The following PTPN1 variants were observed in gnomAD, a reference collection of about 807,000 sequenced individuals.
The protein encoded by PTPN1 is protein tyrosine phosphatase non-receptor type 1, also known as tyrosine-protein phosphatase non-receptor type 1.
Under a neutral mutation model 59.9 loss-of-function variants are expected in PTPN1, and 12 were observed. That is an observed-to-expected ratio of 0.20 (90% CI 0.13 to 0.32). The LOEUF (loss-of-function observed/expected upper bound fraction) is 0.32, where lower values mean the gene tolerates loss of function less well. Ranked by LOEUF, PTPN1 falls within the 10% of genes least tolerant of loss-of-function variation. The pLI is 1.00. For missense variants in PTPN1, 356 were observed against 549.2 expected (o/e 0.65, Z 3.52); for synonymous variants, 178 against 203.6 (o/e 0.87, Z 1.07).
intron 1 of PTPN1, among the ~76,000 whole-genome samples, chr20:50,545,496 A>T (rs907957388): frequency 6.6e-6 from 1 of 152,226 alleles, no homozygotes; most frequent in Non-Finnish European, 1.5e-5. Context: ...GTGGAGTTGC[A>T]TCTCCCTCAT....
chr20:50,512,983 AC>A (rs2082513767), intron 1 of PTPN1, among the ~76,000 whole-genome samples: 1 of 152,248 alleles, frequency 6.6e-6, no homozygotes, highest in African/African-American at 2.4e-5. Flanking sequence ...ATTTTTGCTT[AC>A]AACTTGGTAA....
chr20:50,512,536 A>G (rs1416418966), intron 1 of PTPN1, among the ~76,000 whole-genome samples: 1 of 152,174 alleles, frequency 6.6e-6, no homozygotes, highest in African/African-American at 2.4e-5. Context: ...CCACAATTAA[A>G]CCCCACAAGT....
intron 4 of PTPN1, chr20:50,574,287 G>A (rs561917463): frequency 1.5e-4 from 73 of 475,422 alleles, no homozygotes; most frequent in Middle Eastern, 5.2e-4. Context: ...CCGGGGAGCC[G>A]ATGGGTTTGG....
At chr20:50,516,123 A>G (rs140003342) in intron 1 of PTPN1, among the ~76,000 whole-genome samples, 99 of 152,278 alleles carry the variant, frequency 6.5e-4, no homozygotes, top group African/African-American at 2.3e-3. Context: ...GGTTCTCACA[A>G]GCCTAGCGGG....
rs115493119 is a variant in PTPN1, at chr20:50,575,590, G to T, written c.492+936G>T. Among the ~76,000 whole-genome samples, 657 of 152,312 alleles carry T rather than the reference G, an allele frequency of 4.3e-3. 2 individuals are homozygous for T. Among genetic ancestry groups the T allele is most frequent in the African/African-American group, 0.014 (575 of 41,564 alleles). Reference sequence around the variant, plus strand: ...GTTACCCCATGCCTCCCCTTCTCAAGTACTACTTTTTAATCATCATGGCTC... The same window carrying T: ...GTTACCCCATGCCTCCCCTTCTCAATTACTACTTTTTAATCATCATGGCTC... On this transcript the variant is annotated intron_variant, in intron 5 of 9. Coordinates refer to ENST00000371621, the MANE Select transcript of PTPN1 (RefSeq NM_002827.4).
chr20:50,532,348 A>C (rs1298696973), intron 1 of PTPN1, among the ~76,000 whole-genome samples: 2 of 152,132 alleles, frequency 1.3e-5, no homozygotes, highest in Non-Finnish European at 2.9e-5. Context: ...TGTCCCCTTA[A>C]ATCTTCTTTG....
At chr20:50,531,773 C>T (rs759904908) in intron 1 of PTPN1, among the ~76,000 whole-genome samples, 9 of 152,160 alleles carry the variant, frequency 5.9e-5, no homozygotes, top group Non-Finnish European at 1.0e-4. Context: ...GGCCCCCGGT[C>T]GCTCTCTGTG....
At chr20:50,564,903 T>C in intron 2 of PTPN1, 66 bp from the exon 3 acceptor site, 1 of 1,599,666 alleles carries the variant, frequency 6.3e-7, no homozygotes, top group East Asian at 2.2e-5. Context: ...TTCTGTAGGG[T>C]GTGCACCTGT....
At chr20:50,532,001 T>C (rs908051691) in intron 1 of PTPN1, among the ~76,000 whole-genome samples, 1 of 152,156 alleles carries the variant, frequency 6.6e-6, no homozygotes, top group African/African-American at 2.4e-5. Context: ...TGACCTGGGA[T>C]TGGCTGCAGA....
chr20:50,559,208 T>C (rs2082740036), intron 1 of PTPN1, among the ~76,000 whole-genome samples: 1 of 152,062 alleles, frequency 6.6e-6, no homozygotes, highest in African/African-American at 2.4e-5. Flanking sequence ...ATTTTTTGTA[T>C]TTTTAATAGA....
intron 1 of PTPN1, among the ~76,000 whole-genome samples, chr20:50,540,631 A>G (rs1378879376): frequency 1.3e-5 from 2 of 152,204 alleles, no homozygotes; most frequent in African/African-American, 4.8e-5. Context: ...TTGGAGGAGC[A>G]AGTACCACCT....
chr20:50,579,774 A>G lies in PTPN1; in HGVS notation c.936A>G (p.Pro312=). ...PPEHIPPPPR[P]PKRILEPHNG... ...AGCATATCCCCCCACCTCCCCGGCC[A>G]CCCAAACGAATCCTGGAGCCACACA... The change falls in exon 8 of 10, where the codon CCA becomes CCG. Residue 312 remains proline, a synonymous_variant. Transcript: ENST00000371621. 1 of 1,609,664 alleles carries G rather than the reference A, an allele frequency of 6.2e-7. No individual in the cohort carries two copies. Among genetic ancestry groups the G allele is most frequent in the Non-Finnish European group, 8.5e-7 (1 of 1,177,334 alleles).
chr20:50,559,860 GTT>G (rs774784720), intron 1 of PTPN1, among the ~76,000 whole-genome samples: 4 of 141,854 alleles, frequency 2.8e-5, no homozygotes, highest in African/African-American at 1.0e-4. Flanking sequence ...TCCCCCAAGG[GTT>G]TTTTTTTTTT....
chr20:50,568,507 G>C lies in PTPN1; in HGVS notation c.354+29G>C. 1 of 1,548,016 alleles carries C rather than the reference G, an allele frequency of 6.5e-7. No individual in the cohort carries two copies. The highest frequency in any genetic ancestry group is 8.9e-7 in the Non-Finnish European group (1 of 1,119,946). On this transcript the variant is annotated intron_variant, in intron 4 of 9. Coordinates refer to ENST00000371621, the MANE Select transcript of PTPN1 (RefSeq NM_002827.4). This position sits in a 1 kb window ranked among gnomAD's most constrained non-coding sequence, Gnocchi z 5.6. ...AGTCTCGGCTTCATTTGCTGTGTATGTGATCATGCATACCACTCCATATAG... is the reference window on the plus strand; with the variant it reads ...AGTCTCGGCTTCATTTGCTGTGTATCTGATCATGCATACCACTCCATATAG...
chr20:50,517,700 C>T (rs1195833486), intron 1 of PTPN1, among the ~76,000 whole-genome samples: 1 of 152,196 alleles, frequency 6.6e-6, no homozygotes, highest in Non-Finnish European at 1.5e-5. Context: ...GTAATATGGA[C>T]TCAGAGTAAA....
intron 1 of PTPN1, among the ~76,000 whole-genome samples, chr20:50,511,853 T>C (rs1241667398): frequency 1.3e-5 from 2 of 152,238 alleles, no homozygotes; most frequent in Non-Finnish European, 1.5e-5. Flanking sequence ...TTTCAGCTTA[T>C]AGGCTCAAAA....
At chr20:50,514,165 GT>G (rs1474088771) in intron 1 of PTPN1, among the ~76,000 whole-genome samples, 1 of 152,232 alleles carries the variant, frequency 6.6e-6, no homozygotes, top group East Asian at 1.9e-4. Context: ...ATACTTTGGT[GT>G]TTTTGGAAGT....
intron 1 of PTPN1, among the ~76,000 whole-genome samples, chr20:50,553,081 T>A (rs751284066): frequency 4.6e-5 from 7 of 151,848 alleles, no homozygotes; most frequent in Admixed American, 2.0e-4. Flanking sequence ...GAAGGTAAAT[T>A]CTATAAAGGA....
At chr20:50,535,248 A>C (rs2082619353) in intron 1 of PTPN1, among the ~76,000 whole-genome samples, 1 of 152,074 alleles carries the variant, frequency 6.6e-6, no homozygotes, top group African/African-American at 2.4e-5. Flanking sequence ...GATTCCTAAC[A>C]CAGGTGCTGA....
Sources: gnomAD v4.1 joint callset for allele counts (sites outside exome capture counted in the v4.1 genomes callset) on GRCh38, gnomAD v4.1.1 for gene constraint, Gnocchi (gnomAD v3.1) non-coding constraint, MANE v1.5 for transcripts, NCBI Gene and HGNC (gene_info 2026-07-23, HGNC 2026-07-21) for gene names.